The following SNX29 variants were observed in gnomAD, a reference collection of about 807,000 sequenced individuals.
SNX29 encodes sorting nexin-29.
In SNX29, 78 loss-of-function variants were observed where a neutral mutation model predicts 102.1. That is an observed-to-expected ratio of 0.76 (90% CI 0.64 to 0.92). SNX29 has a LOEUF of 0.92. Among genes scored for constraint, SNX29 ranks in the 40% least tolerant of loss-of-function variants. SNX29 has a pLI of 0.00. For synonymous variants in SNX29, 580 were observed against 414.5 expected (o/e 1.40, Z -4.85); for missense variants, 1,280 against 1,061.7 (o/e 1.21, Z -2.86).
At chr16:12,350,965 C>G (rs2081976444) in intron 15 of SNX29, among the ~76,000 whole-genome samples, 1 of 152,280 alleles carries the variant, frequency 6.6e-6, no homozygotes, top group African/African-American at 2.4e-5. Flanking sequence ...ATGAATTGTC[C>G]TTAACCACCA....
At chr16:12,031,700 G>A (rs1181471041) in intron 4 of SNX29, among the ~76,000 whole-genome samples, 2 of 152,024 alleles carry the variant, frequency 1.3e-5, no homozygotes, top group Non-Finnish European at 2.9e-5. Context: ...AGCTACTTGG[G>A]AGGCTGAGGC....
Position 12,570,131 on chromosome 16 carries a change from G to A in SNX29, c.*1502G>A, listed in dbSNP as rs1413190851. 12 of 1,052,638 alleles carry A rather than the reference G, an allele frequency of 1.1e-5. No homozygotes were observed. The East Asian group carries it at 1.5e-4, about 13-fold the overall frequency. 65.2% of individuals were successfully genotyped at this position (1,052,638 alleles called of 1,614,324 possible). A position where few individuals can be genotyped will look rare whatever the true frequency, so the allele number is the denominator to read the frequency against. ...AAGGAAGATTGTTCATGGCCTTTAA[G>A]GAAGGCTGAGATCACTCACACACAG... On this transcript the variant is annotated 3_prime_UTR_variant, in exon 21 of 21. Transcript: ENST00000566228.
intron 20 of SNX29, among the ~76,000 whole-genome samples, chr16:12,568,051 T>A (rs186262313): frequency 6.6e-6 from 1 of 152,204 alleles, no homozygotes; most frequent in African/African-American, 2.4e-5. Context: ...AGGGCCTGAT[T>A]ATTTTCTTAG....
chr16:12,257,096 C>A (rs1181974401), intron 14 of SNX29, among the ~76,000 whole-genome samples: 1 of 152,170 alleles, frequency 6.6e-6, no homozygotes, highest in African/African-American at 2.4e-5. Context: ...CTTGCTCATT[C>A]CGTTGTTGAC....
intron 15 of SNX29, among the ~76,000 whole-genome samples, chr16:12,319,141 A>G (rs1001917124): frequency 1.3e-5 from 2 of 152,178 alleles, no homozygotes; most frequent in Non-Finnish European, 2.9e-5. Context: ...CTTTTGTTAC[A>G]TTCCAGCCCT....
At chr16:12,120,815 A>C (rs1009373837) in intron 11 of SNX29, among the ~76,000 whole-genome samples, 3 of 152,124 alleles carry the variant, frequency 2.0e-5, no homozygotes, top group African/African-American at 7.2e-5. Flanking sequence ...GTAATGATGT[A>C]TGGGACCGTG....
At chr16:12,181,083 G>A (rs373412254) in intron 13 of SNX29, among the ~76,000 whole-genome samples, 2 of 152,198 alleles carry the variant, frequency 1.3e-5, no homozygotes, top group African/African-American at 2.4e-5. Context: ...GTGGGCCTGG[G>A]TTACCGTGGA....
intron 14 of SNX29, among the ~76,000 whole-genome samples, chr16:12,245,214 G>T (rs1044881608): frequency 6.6e-6 from 1 of 152,154 alleles, no homozygotes; most frequent in Non-Finnish European, 1.5e-5. Context: ...TCCTGGCATT[G>T]CTCCCTATGA....
chr16:12,351,746 T>C (rs2081997218), intron 15 of SNX29, among the ~76,000 whole-genome samples: 1 of 152,150 alleles, frequency 6.6e-6, no homozygotes, highest in Admixed American at 6.5e-5. Flanking sequence ...TCTGAAGGCA[T>C]CATTTTCCAA....
chr16:12,476,080 T>G (rs8061466), intron 18 of SNX29, among the ~76,000 whole-genome samples: 30,037 of 151,612 alleles, frequency 0.2, 4,097 homozygotes, highest in African/African-American at 0.39. Flanking sequence ...CAGTACTTTG[T>G]GAGGCCAAGG....
chr16:12,177,538 G>T (rs1287784262), intron 13 of SNX29, among the ~76,000 whole-genome samples: 1 of 152,144 alleles, frequency 6.6e-6, no homozygotes, highest in African/African-American at 2.4e-5. Flanking sequence ...CAAGCAGACT[G>T]TCATATTCTC....
chr16:12,372,026 C>A (rs936841363), intron 16 of SNX29, among the ~76,000 whole-genome samples: 2 of 152,166 alleles, frequency 1.3e-5, no homozygotes, highest in Non-Finnish European at 2.9e-5. Context: ...AAATAATGCA[C>A]AACTATCTAG....
intron 13 of SNX29, among the ~76,000 whole-genome samples, chr16:12,168,953 T>G (rs2076080585): frequency 6.6e-6 from 1 of 152,174 alleles, no homozygotes; most frequent in Non-Finnish European, 1.5e-5. Flanking sequence ...GTGGTCCCCT[T>G]CTGACCTGCA....
intron 13 of SNX29, 44 bp from the exon 14 acceptor site, chr16:12,199,557 T>A (rs1230016700): frequency 3.4e-5 from 52 of 1,549,120 alleles, no homozygotes; most frequent in Non-Finnish European, 4.5e-5. Flanking sequence ...GTCCACATTG[T>A]CACTTTTTAA....
intron 20 of SNX29, among the ~76,000 whole-genome samples, chr16:12,562,127 C>G (rs567019940): frequency 6.4e-4 from 98 of 152,290 alleles, no homozygotes; most frequent in African/African-American, 2.2e-3. Flanking sequence ...CTGTGTGACC[C>G]CAAAATGGCT....
At chr16:12,079,596 C>A (rs73515702) in intron 11 of SNX29, among the ~76,000 whole-genome samples, 60 of 152,220 alleles carry the variant, frequency 3.9e-4, no homozygotes, top group African/African-American at 1.4e-3. Context: ...AAGGGTGAAG[C>A]AGGAAGTGAG....
chr16:12,173,174 A>G (rs935156805), intron 13 of SNX29, among the ~76,000 whole-genome samples: 3 of 152,254 alleles, frequency 2.0e-5, no homozygotes, highest in Non-Finnish European at 1.5e-5. Flanking sequence ...TGCCGGAGAT[A>G]AAGCTGGTCT....
At chr16:12,156,831 A>T (rs979499820) in intron 13 of SNX29, among the ~76,000 whole-genome samples, 2 of 152,144 alleles carry the variant, frequency 1.3e-5, no homozygotes, top group African/African-American at 4.8e-5. Flanking sequence ...CTGGGCACTG[A>T]GTTTCCTCGT....
intron 20 of SNX29, among the ~76,000 whole-genome samples, chr16:12,534,358 C>G (rs1328643957): frequency 6.6e-6 from 1 of 152,232 alleles, no homozygotes; most frequent in East Asian, 1.9e-4. Context: ...GAGAGGTTTC[C>G]TGCACCTCTC....
Sources: gnomAD v4.1 joint callset for allele counts (sites outside exome capture counted in the v4.1 genomes callset) on GRCh38, gnomAD v4.1.1 for gene constraint, MANE v1.5 for transcripts, NCBI Gene and HGNC (gene_info 2026-07-23, HGNC 2026-07-21) for gene names.